NAA11: variants seen among roughly 807,000 people sequenced by gnomAD.
The protein encoded by NAA11 is N-alpha-acetyltransferase 11.
Under a neutral mutation model 16.1 loss-of-function variants are expected in NAA11, and 15 were observed. That is an observed-to-expected ratio of 0.93 (90% CI 0.62 to 1.44). The LOEUF (loss-of-function observed/expected upper bound fraction) is 1.44, where lower values mean the gene tolerates loss of function less well. Among genes scored for constraint, NAA11 ranks in the 40% most tolerant of loss-of-function variants. The pLI, the probability that NAA11 is intolerant of heterozygous loss-of-function variation, is 0.00. For missense variants in NAA11, 298 were observed against 291.3 expected, an observed-to-expected ratio of 1.02 and a Z score of -0.17; for synonymous variants, 122 against 112.4, an observed-to-expected ratio of 1.09 and a Z score of -0.54.
chr4:79,246,377 T>TAAAAAAAAAAAAAA (rs869224539), intron 2 of NAA11, among the ~76,000 whole-genome samples: 13 of 22,414 alleles, frequency 5.8e-4, no homozygotes, highest in African/African-American at 1.1e-3. Flanking sequence ...CAATAAATAC[T>TAAAAAAAAAAAAAA]AAAAAAAAAA....
At chr4:79,193,401 A>C in the NAA11 span, among the ~76,000 whole-genome samples, 1 of 152,158 alleles carries the variant, frequency 6.6e-6, no homozygotes, top group East Asian at 1.9e-4. Flanking sequence ...TAATTTTTGT[A>C]TAAGGTGTAA....
intron 2 of NAA11, chr4:79,227,573 C>T (rs1049260806): frequency 3.3e-5 from 5 of 151,936 alleles, no homozygotes; most frequent in African/African-American, 9.7e-5. Flanking sequence ...GAGGATGTTG[C>T]ATGAAGAAGG....
intron 2 of NAA11, among the ~76,000 whole-genome samples, chr4:79,246,096 A>C (rs1224096592): frequency 1.3e-5 from 2 of 152,200 alleles, no homozygotes; most frequent in Admixed American, 6.5e-5. Flanking sequence ...TGCTCTCTGC[A>C]ACTGTGCTGT....
intron 2 of NAA11, among the ~76,000 whole-genome samples, chr4:79,237,249 A>G (rs1267597011): frequency 6.6e-6 from 1 of 152,162 alleles, no homozygotes; most frequent in Non-Finnish European, 1.5e-5. Context: ...GCCAAGTTAC[A>G]AGGATAGTGA....
At chr4:79,170,233 T>C in the NAA11 span, among the ~76,000 whole-genome samples, 8 of 152,330 alleles carry the variant, frequency 5.3e-5, no homozygotes, top group African/African-American at 1.7e-4. Context: ...TCTACTGTTA[T>C]TGTTTTGAAA....
chr4:79,267,132 CCTT>C (rs1424581027), intron 2 of NAA11, among the ~76,000 whole-genome samples: 1 of 152,134 alleles, frequency 6.6e-6, no homozygotes, highest in African/African-American at 2.4e-5. Context: ...TATTTCATAA[CCTT>C]CTTCCTGAAG....
downstream of NAA11, among the ~76,000 whole-genome samples, chr4:79,314,977 A>T (rs1201998441): frequency 1.3e-5 from 2 of 152,162 alleles, no homozygotes; most frequent in African/African-American, 4.8e-5. Context: ...AACAGGATTT[A>T]TGTAAATGTA....
chr4:79,287,145 A>G (rs149627655), intron 2 of NAA11, among the ~76,000 whole-genome samples: 2 of 152,276 alleles, frequency 1.3e-5, no homozygotes, highest in Non-Finnish European at 2.9e-5. Context: ...TTATAACCTC[A>G]AACTCACTGT....
downstream of NAA11, among the ~76,000 whole-genome samples, chr4:79,312,646 C>CAAAAA (rs544315352): frequency 7.1e-4 from 49 of 69,418 alleles, 1 homozygote; most frequent in African/African-American, 2.6e-3. Flanking sequence ...GACTCCATCT[C>CAAAAA]AAAAAAAAAA....
chr4:79,324,248 C>T (rs939997301), intron 1 of NAA11, among the ~76,000 whole-genome samples: 2 of 152,082 alleles, frequency 1.3e-5, no homozygotes, highest in African/African-American at 4.8e-5. Context: ...CTGTATGTAT[C>T]TTTAACAGAT....
chr4:79,181,216 A>T, the NAA11 span, among the ~76,000 whole-genome samples: 4 of 151,388 alleles, frequency 2.6e-5, no homozygotes, highest in Non-Finnish European at 4.4e-5. Context: ...GTACCCTAGA[A>T]CTTAAAGTAT....
intron 1 of NAA11, among the ~76,000 whole-genome samples, chr4:79,323,635 A>C (rs908460513): frequency 1.3e-5 from 2 of 152,152 alleles, no homozygotes; most frequent in Non-Finnish European, 2.9e-5. Flanking sequence ...CCTGGCTAAC[A>C]CAGTGAAACC....
intron 2 of NAA11, among the ~76,000 whole-genome samples, chr4:79,247,886 G>A (rs1343229279): frequency 6.6e-6 from 1 of 152,198 alleles, no homozygotes; most frequent in Non-Finnish European, 1.5e-5. Context: ...GAGCAGCTTA[G>A]AGAGGTGGTA....
At chr4:79,181,534 A>C in the NAA11 span, among the ~76,000 whole-genome samples, 1 of 152,210 alleles carries the variant, frequency 6.6e-6, no homozygotes, top group Non-Finnish European at 1.5e-5. Flanking sequence ...GATTGACTAC[A>C]GTGAACGGGA....
chr4:79,300,075 C>A (rs1029970303), intron 1 of NAA11, among the ~76,000 whole-genome samples: 2 of 152,138 alleles, frequency 1.3e-5, no homozygotes, highest in African/African-American at 2.4e-5. Context: ...CCCAAAGAGA[C>A]ATTCATGCTT....
Position 79,287,525 on chromosome 4 carries a change from C to T in NAA11, c.*122+6480G>A, listed in dbSNP as rs188728576. Among the ~76,000 whole-genome samples, 11 of 151,864 alleles carry T rather than the reference C, an allele frequency of 7.2e-5. No homozygotes were observed. In the East Asian group the frequency reaches 2.1e-3, roughly 29 times the overall value. ...GCCAATGAGGTGTAATAAGTTTTAG[C>T]AAATTGAGGCTGAGGTCTCTTAGGT... On this transcript the variant is annotated intron_variant and NMD_transcript_variant, in intron 2 of 2. Coordinates refer to the NAA11 transcript ENST00000511542.
chr4:79,224,613 T>A (rs1165510408), downstream of NAA11, among the ~76,000 whole-genome samples: 1 of 151,868 alleles, frequency 6.6e-6, no homozygotes, highest in Non-Finnish European at 1.5e-5. Context: ...GAGGGGTGAT[T>A]TGGTGCTAAT....
downstream of NAA11, among the ~76,000 whole-genome samples, chr4:79,221,324 G>T (rs1414643939): frequency 1.3e-5 from 2 of 150,378 alleles, no homozygotes; most frequent in African/African-American, 4.9e-5. Flanking sequence ...CTGCAAACAG[G>T]GACAATTTGA....
Position 79,233,077 on chromosome 4 carries a change from C to T in NAA11, c.*123-6807G>A, listed in dbSNP as rs370451332. Among the ~76,000 whole-genome samples, 3 of 151,906 alleles carry T rather than the reference C, an allele frequency of 2.0e-5. No individual in the cohort carries two copies. The East Asian group carries it at 5.8e-4, about 29-fold the overall frequency. Reference sequence around the variant, plus strand: ...GTCTGCCACGTGTCTAAGCTATCATCACCTGGCCTTAGTCATTATTAGCTA... The same window carrying T: ...GTCTGCCACGTGTCTAAGCTATCATTACCTGGCCTTAGTCATTATTAGCTA... On this transcript the variant is annotated intron_variant and NMD_transcript_variant, in intron 2 of 2. Coordinates refer to the NAA11 transcript ENST00000511542.
Sources: allele counts gnomAD v4.1 joint callset (sites outside exome capture counted in the v4.1 genomes callset), GRCh38; gene constraint gnomAD v4.1.1; transcripts MANE v1.5; gene names NCBI Gene and HGNC (gene_info 2026-07-23, HGNC 2026-07-21).